Variants in PLCB1 observed in about 807,000 individuals in gnomAD.
The protein encoded by PLCB1 is 1-phosphatidylinositol 4,5-bisphosphate phosphodiesterase beta-1.
PLCB1 carries 46 observed loss-of-function variants against 161.8 expected under a neutral mutation model. The ratio of observed to expected loss-of-function variants is 0.28; its 90% CI spans 0.22 to 0.36. The LOEUF (loss-of-function observed/expected upper bound fraction) is 0.36, where lower values mean the gene tolerates loss of function less well. Ranked by LOEUF, PLCB1 falls within the 10% of genes least tolerant of loss-of-function variation. The pLI, the probability that PLCB1 is intolerant of heterozygous loss-of-function variation, is 1.00. For synonymous variants in PLCB1, 517 were observed against 503.7 expected, an observed-to-expected ratio of 1.03 and a Z score of -0.35; for missense variants, 1,016 against 1,472.5, an observed-to-expected ratio of 0.69 and a Z score of 5.07.
chr20:8,742,232 T>C (rs1178821178), intron 23 of PLCB1, among the ~76,000 whole-genome samples: 2 of 152,136 alleles, frequency 1.3e-5, no homozygotes, highest in African/African-American at 2.4e-5. Context: ...TATAACTTGA[T>C]TATTAAGGGT....
chr20:8,218,567 T>C (rs1979251408), intron 2 of PLCB1, among the ~76,000 whole-genome samples: 1 of 152,066 alleles, frequency 6.6e-6, no homozygotes, highest in Non-Finnish European at 1.5e-5. Context: ...TTCACAGAGC[T>C]ATTTTGAAGA....
At chr20:8,683,371 A>C (rs1469177887) in intron 9 of PLCB1, among the ~76,000 whole-genome samples, 1 of 147,072 alleles carries the variant, frequency 6.8e-6, no homozygotes, top group Non-Finnish European at 1.5e-5. Context: ...TTCCACTTTT[A>C]TAGTAATAAA....
At chr20:8,816,190 T>C (rs1022337837) in intron 31 of PLCB1, among the ~76,000 whole-genome samples, 4 of 152,048 alleles carry the variant, frequency 2.6e-5, no homozygotes, top group East Asian at 3.8e-4. Flanking sequence ...AGAGGGACAC[T>C]GGAAAGAGAA....
intron 7 of PLCB1, among the ~76,000 whole-genome samples, chr20:8,655,260 A>T (rs1302650808): frequency 6.6e-6 from 1 of 152,182 alleles, no homozygotes; most frequent in Non-Finnish European, 1.5e-5. Flanking sequence ...AAAGGAAATA[A>T]CAGCACATGC....
chr20:8,341,477 C>G (rs1489757761), intron 2 of PLCB1, among the ~76,000 whole-genome samples: 1 of 152,090 alleles, frequency 6.6e-6, no homozygotes, highest in Non-Finnish European at 1.5e-5. Flanking sequence ...GAAAGGTGCT[C>G]TTCTCCTAAC....
chr20:8,504,753 CA>C (rs111333801), intron 3 of PLCB1, among the ~76,000 whole-genome samples: 27,286 of 151,844 alleles, frequency 0.18, 2,539 homozygotes, highest in Middle Eastern at 0.22. Flanking sequence ...TGTTTGGCTC[CA>C]AAAAAAATAT....
intron 27 of PLCB1, among the ~76,000 whole-genome samples, chr20:8,779,889 C>T (rs1243161614): frequency 6.6e-6 from 1 of 152,182 alleles, no homozygotes; most frequent in Non-Finnish European, 1.5e-5. Context: ...GAAATCACCC[C>T]TGTGGTTCCC....
intron 3 of PLCB1, among the ~76,000 whole-genome samples, chr20:8,408,662 G>C (rs1442339722): frequency 1.3e-5 from 2 of 152,072 alleles, no homozygotes; most frequent in South Asian, 2.1e-4. Context: ...CTTAACTCTG[G>C]ATAGCTTTAC....
At chr20:8,396,340 C>T (rs1397377105) in intron 3 of PLCB1, among the ~76,000 whole-genome samples, 1 of 151,920 alleles carries the variant, frequency 6.6e-6, no homozygotes, top group Non-Finnish European at 1.5e-5. Context: ...TCTTTTAATC[C>T]AACCAAAACA....
chr20:8,758,271 C>T (rs750563831), intron 24 of PLCB1, among the ~76,000 whole-genome samples: 18 of 151,214 alleles, frequency 1.2e-4, no homozygotes, highest in South Asian at 2.1e-4. Flanking sequence ...GTATCAGACA[C>T]GCTTGAACTG....
chr20:8,153,510 A>G, intron 2 of PLCB1, among the ~76,000 whole-genome samples: 1 of 152,180 alleles, frequency 6.6e-6, no homozygotes, highest in East Asian at 1.9e-4. Flanking sequence ...TGTGAACACT[A>G]GAAACCAACA....
At chr20:8,134,378 T>C (rs2051323059) in intron 1 of PLCB1, among the ~76,000 whole-genome samples, 1 of 152,228 alleles carries the variant, frequency 6.6e-6, no homozygotes, top group South Asian at 2.1e-4. Flanking sequence ...AAAAGGGAGT[T>C]TCAGCGTAAG....
chr20:8,546,313 C>CAAAAAA (rs369485988), intron 3 of PLCB1, among the ~76,000 whole-genome samples: 98 of 102,848 alleles, frequency 9.5e-4, no homozygotes, highest in African/African-American at 1.5e-3. Context: ...GACTCTATCT[C>CAAAAAA]AAAAAAAAAA....
chr20:8,773,954 ACAGAG>A (rs1304095288), intron 26 of PLCB1, among the ~76,000 whole-genome samples: 1 of 148,692 alleles, frequency 6.7e-6, no homozygotes, highest in African/African-American at 2.6e-5. Flanking sequence ...AGCTTGGGCA[ACAGAG>A]CAAGACTCTG....
At chr20:8,858,201 A>C (rs927360632) in intron 31 of PLCB1, among the ~76,000 whole-genome samples, 1 of 152,202 alleles carries the variant, frequency 6.6e-6, no homozygotes, top group African/African-American at 2.4e-5. Context: ...TAAACTAAAT[A>C]CTGTTTCATT....
At chr20:8,540,689 A>G (rs1007024370) in intron 3 of PLCB1, among the ~76,000 whole-genome samples, 2 of 150,188 alleles carry the variant, frequency 1.3e-5, no homozygotes, top group African/African-American at 4.8e-5. Context: ...ACAGACCCCC[A>G]TTGATGAGAG....
chr20:8,537,097 A>G (rs1985082505), intron 3 of PLCB1, among the ~76,000 whole-genome samples: 1 of 152,208 alleles, frequency 6.6e-6, no homozygotes, highest in Admixed American at 6.5e-5. Context: ...GCTTCCTCAG[A>G]AGAAAGAATT....
chr20:8,216,544 C>T (rs958719786), intron 2 of PLCB1, among the ~76,000 whole-genome samples: 11 of 152,004 alleles, frequency 7.2e-5, no homozygotes, highest in African/African-American at 2.4e-4. Context: ...TTTAAAAATA[C>T]GATTCTAAGT....
chr20:8,722,599 A>G (rs1293277656), intron 15 of PLCB1, among the ~76,000 whole-genome samples, 178 bp downstream of exon 15: 2 of 152,172 alleles, frequency 1.3e-5, no homozygotes, highest in Non-Finnish European at 2.9e-5. Flanking sequence ...TCCGGAGAAG[A>G]TATGGCGTTT....
Sources: allele counts gnomAD v4.1 joint callset (sites outside exome capture counted in the v4.1 genomes callset), GRCh38; gene constraint gnomAD v4.1.1; transcripts MANE v1.5; gene names NCBI Gene and HGNC (gene_info 2026-07-23, HGNC 2026-07-21).